B4GALT6: variants seen among roughly 807,000 people sequenced by gnomAD.
The protein encoded by B4GALT6 is beta-1,4-galactosyltransferase 6.
A neutral mutation model predicts 46.3 loss-of-function variants in B4GALT6; 14 were observed. The ratio of observed to expected loss-of-function variants is 0.30; its 90% CI spans 0.20 to 0.47. The LOEUF (loss-of-function observed/expected upper bound fraction) is 0.47, where lower values mean the gene tolerates loss of function less well. Among genes scored for constraint, B4GALT6 ranks in the 20% least tolerant of loss-of-function variants. The probability of loss-of-function intolerance (pLI) is 0.99; values close to 1 mark genes in which losing one functional copy is unlikely to be tolerated. For synonymous variants in B4GALT6, 168 were observed against 162.0 expected (o/e 1.04, Z -0.28); for missense variants, 386 against 480.1 (o/e 0.80, Z 1.83).
At chr18:31,691,917 AAGAG>A in the B4GALT6 span, among the ~76,000 whole-genome samples, 1 of 151,014 alleles carries the variant, frequency 6.6e-6, no homozygotes, top group African/African-American at 2.4e-5. Flanking sequence ...AGCTATTCAA[AAGAG>A]AGAAAGAAAC....
rs1368469537 is a variant in B4GALT6 at position 31,622,960 on chromosome 18, T to A, written c.*2654A>T. ...ACCTCCTATTAGCCCTAGGTCCACA[T>A]ATACGGGTTTCTTGACTTTGAGACT... On this transcript the variant is annotated 3_prime_UTR_variant, in exon 9 of 9. Coordinates refer to ENST00000306851, the MANE Select transcript of B4GALT6 (RefSeq NM_004775.5). 6.6e-6 allele frequency: 1 copy of A among 152,070 alleles called. No individual in the cohort carries two copies. The highest frequency in any genetic ancestry group is 2.4e-5 in the African/African-American group (1 of 41,444). 9.4% of individuals were successfully genotyped at this position (152,070 alleles called of 1,614,324 possible).
At chr18:31,708,146 G>A in the B4GALT6 span, among the ~76,000 whole-genome samples, 1 of 152,208 alleles carries the variant, frequency 6.6e-6, no homozygotes, top group African/African-American at 2.4e-5. Flanking sequence ...AGAAGGTTTG[G>A]CATGAGGCTC....
the B4GALT6 span, among the ~76,000 whole-genome samples, chr18:31,720,762 T>A: frequency 5.8e-4 from 88 of 152,322 alleles, no homozygotes; most frequent in African/African-American, 2.1e-3. Context: ...AGGGTCCTCA[T>A]GACCAGAGTT....
the B4GALT6 span, among the ~76,000 whole-genome samples, chr18:31,692,814 G>A: frequency 6.6e-6 from 1 of 152,166 alleles, no homozygotes; most frequent in Non-Finnish European, 1.5e-5. Context: ...AGAACTAACA[G>A]AAGAGATTGA....
intron 1 of B4GALT6, among the ~76,000 whole-genome samples, chr18:31,682,084 A>G: frequency 6.6e-6 from 1 of 152,324 alleles, no homozygotes; most frequent in Non-Finnish European, 1.5e-5. Context: ...CACATTTTTC[A>G]TGGAACATCA....
At chr18:31,699,620 C>T in the B4GALT6 span, among the ~76,000 whole-genome samples, 3 of 143,386 alleles carry the variant, frequency 2.1e-5, no homozygotes, top group Non-Finnish European at 4.5e-5. Flanking sequence ...ATACACTTCC[C>T]ATGAGTCTCT....
the B4GALT6 span, among the ~76,000 whole-genome samples, chr18:31,713,883 C>A: frequency 6.6e-6 from 1 of 152,116 alleles, no homozygotes; most frequent in Non-Finnish European, 1.5e-5. Flanking sequence ...GTTGGCCCGG[C>A]GTTGCCAGGT....
intron 3 of B4GALT6, among the ~76,000 whole-genome samples, chr18:31,649,944 A>G (rs1465400191): frequency 6.6e-6 from 1 of 152,236 alleles, no homozygotes; most frequent in African/African-American, 2.4e-5. Context: ...TCTACCAAAA[A>G]GGCACATGCA....
At chr18:31,673,189 GCACACC>G (rs1223591013) in intron 1 of B4GALT6, among the ~76,000 whole-genome samples, 2 of 152,104 alleles carry the variant, frequency 1.3e-5, no homozygotes, top group Non-Finnish European at 2.9e-5. Context: ...CAGGGGCAGT[GCACACC>G]CAGGGAATGA....
intron 1 of B4GALT6, among the ~76,000 whole-genome samples, chr18:31,677,449 A>G (rs2074426895): frequency 6.6e-6 from 1 of 152,210 alleles, no homozygotes; most frequent in Non-Finnish European, 1.5e-5. Flanking sequence ...GAAAAACAGA[A>G]TTGAGTGCCA....
intron 2 of B4GALT6, among the ~76,000 whole-genome samples, chr18:31,658,799 G>C (rs545933907): frequency 2.0e-5 from 3 of 152,264 alleles, no homozygotes; most frequent in Admixed American, 6.5e-5. Context: ...ACTTCATACT[G>C]TCATTTTTAA....
Position 31,625,222 on chromosome 18 carries a change from T to C in B4GALT6, c.*392A>G, listed in dbSNP as rs1018726577. The C allele has an allele frequency of 6.2e-6, 1 of 160,402 alleles. No individual in the cohort carries two copies. 9.9% of individuals were successfully genotyped at this position (160,402 alleles called of 1,614,324 possible). A position where few individuals can be genotyped will look rare whatever the true frequency, so the allele number is the denominator to read the frequency against. On this transcript the variant is annotated 3_prime_UTR_variant, in exon 9 of 9. Transcript: ENST00000306851. ...AGGTATAACCGATTACATGCAAAACTGCAACACATCTAATTTTTAAACAAT... is the reference window on the plus strand; with the variant it reads ...AGGTATAACCGATTACATGCAAAACCGCAACACATCTAATTTTTAAACAAT...
the B4GALT6 span, among the ~76,000 whole-genome samples, chr18:31,703,235 C>T: frequency 6.6e-6 from 1 of 152,006 alleles, no homozygotes; most frequent in African/African-American, 2.4e-5. Flanking sequence ...ATTCTTTCTT[C>T]ATAAGAATGG....
Position 31,625,035 on chromosome 18 carries a change from C to A in B4GALT6, c.*579G>T, listed in dbSNP as rs1216945599. 1 of 152,644 alleles carries A rather than the reference C, an allele frequency of 6.6e-6. No homozygotes were observed. Among genetic ancestry groups the A allele is most frequent in the Non-Finnish European group, 1.5e-5 (1 of 68,038 alleles). The allele number at this position is 152,644 out of a possible 1,614,324, so 9.5% of individuals were successfully genotyped here. A position where few individuals can be genotyped will look rare whatever the true frequency, so the allele number is the denominator to read the frequency against. On this transcript the variant is annotated 3_prime_UTR_variant, in exon 9 of 9. Transcript: ENST00000306851. ...GCTGTGACTTCTTCCACACAAAAGG[C>A]TGAGGTCTAAAGCTCAAAACTAGTA...
At chr18:31,684,737 G>T, upstream of B4GALT6, 1 of 1,110,024 alleles carries the variant, frequency 9.0e-7, no homozygotes, top group Admixed American at 3.9e-5. Context: ...AGGGCGAGGA[G>T]GAGCGTTTTC....
At chr18:31,671,901 GA>G (rs567261620) in intron 1 of B4GALT6, among the ~76,000 whole-genome samples, 70 of 152,148 alleles carry the variant, frequency 4.6e-4, no homozygotes, top group African/African-American at 1.6e-3. Context: ...AACAACATCA[GA>G]AAAAAATTTA....
Position 31,684,518 on chromosome 18 carries a change from A to C in B4GALT6, c.-92T>G, listed in dbSNP as rs1598940619. ...CTAAACTTCCATAAATGTGCTGAGA[A>C]CCCCGAGACTGCAGCGGGGTCCGCG... On this transcript the variant is annotated 5_prime_UTR_variant, in exon 1 of 9. Coordinates refer to ENST00000306851, the MANE Select transcript of B4GALT6 (RefSeq NM_004775.5). 5 of 1,528,268 alleles carry C rather than the reference A, an allele frequency of 3.3e-6. No individual in the cohort carries two copies. In the Admixed American group the frequency reaches 6.0e-5, roughly 18 times the overall value. 94.7% of individuals were successfully genotyped at this position (1,528,268 alleles called of 1,614,324 possible).
rs556592616 is a variant in B4GALT6 at position 31,681,487 on chromosome 18, T to C, written c.115+2825A>G. On this transcript the variant is annotated intron_variant, in intron 1 of 8. Coordinates refer to ENST00000306851, the MANE Select transcript of B4GALT6 (RefSeq NM_004775.5). ...GTAAAGACTATCCCTGTGTTTCCTG[T>C]ATGCATTAGACACTTCAAGAAAAAT... Among the ~76,000 whole-genome samples the C allele has an allele frequency of 2.6e-5, 4 of 152,362 alleles. No homozygotes were observed. The East Asian group carries it at 7.7e-4, about 29-fold the overall frequency.
the B4GALT6 span, among the ~76,000 whole-genome samples, chr18:31,702,632 G>C: frequency 6.6e-6 from 1 of 152,150 alleles, no homozygotes; most frequent in Non-Finnish European, 1.5e-5. Flanking sequence ...GAAACCTCTA[G>C]AGATAGGATG....
Sources: allele counts gnomAD v4.1 joint callset (sites outside exome capture counted in the v4.1 genomes callset), GRCh38; gene constraint gnomAD v4.1.1; transcripts MANE v1.5; gene names NCBI Gene and HGNC (gene_info 2026-07-23, HGNC 2026-07-21).